The following JAK2 variants were observed in gnomAD, a reference collection of about 807,000 sequenced individuals.
The protein encoded by JAK2 is Janus kinase 2.
A neutral mutation model predicts 139.3 loss-of-function variants in JAK2; 86 were observed. The ratio of observed to expected loss-of-function variants is 0.62; its 90% CI spans 0.52 to 0.74. The LOEUF (loss-of-function observed/expected upper bound fraction) is 0.74, where lower values mean the gene tolerates loss of function less well. Ranked by LOEUF, JAK2 falls within the 30% of genes least tolerant of loss-of-function variation. The probability of loss-of-function intolerance (pLI) is 0.00; values close to 1 mark genes in which losing one functional copy is unlikely to be tolerated. For synonymous variants in JAK2, 490 were observed against 437.7 expected (o/e 1.12, Z -1.49); for missense variants, 1,421 against 1,360.3 (o/e 1.04, Z -0.70).
rs114873051 is a variant in JAK2, at chr9:5,119,789, T to C, written c.3060-3215T>C. The stretch of plus-strand genomic sequence containing the variant: ...TTTCCTCATGATCAAAATTTTCATA[T>C]GTACTTAATGAACACAAAAAATATA... On this transcript the variant is annotated intron_variant, in intron 22 of 24. Transcript: ENST00000381652. Among the ~76,000 whole-genome samples the C allele has an allele frequency of 4.3e-3, 656 of 152,318 alleles. 4 individuals are homozygous for C. Among genetic ancestry groups the C allele is most frequent in the African/African-American group, 0.015 (620 of 41,586 alleles).
intron 20 of JAK2, among the ~76,000 whole-genome samples, chr9:5,090,206 T>TA: frequency 2.0e-5 from 3 of 152,242 alleles, no homozygotes; most frequent in Non-Finnish European, 4.4e-5. Context: ...CAGTTTATTT[T>TA]GGTTTGCCTG....
In JAK2 at chr9:5,128,277, T is replaced by G; in HGVS notation, c.*1486T>G. ...GAAAAGGAAGAAATGTTTTTTACAT[T>G]CATTATTATACTTAAAGCATTTTTA... is the stretch of plus-strand genomic sequence containing the variant. On this transcript the variant is annotated 3_prime_UTR_variant, in exon 25 of 25. Coordinates refer to ENST00000381652, the MANE Select transcript of JAK2 (RefSeq NM_004972.4). 4.4e-6 allele frequency: 1 copy of G among 228,564 alleles called. No individual in the cohort carries two copies. The highest frequency in any genetic ancestry group is 6.2e-5 in the East Asian group (1 of 16,176). The allele number at this position is 228,564 out of a possible 1,614,324, so 14.2% of individuals were successfully genotyped here.
chr9:5,029,048 C>G (rs1822970375), intron 3 of JAK2, among the ~76,000 whole-genome samples: 1 of 152,174 alleles, frequency 6.6e-6, no homozygotes, highest in Non-Finnish European at 1.5e-5. Flanking sequence ...CTTTTAGCCT[C>G]TCTTGGCTTT....
chr9:5,125,402 A>G (rs1343068081), intron 23 of JAK2, among the ~76,000 whole-genome samples: 1 of 151,460 alleles, frequency 6.6e-6, no homozygotes, highest in African/African-American at 2.4e-5. Flanking sequence ...GCATTCCATC[A>G]TAAGGCTATA....
In JAK2 at chr9:5,021,985, T is replaced by C; in HGVS notation, c.-3T>C. Reference sequence around the variant, plus strand: ...CAGGCAAATGTTCTGAAAAAGACTCTGCATGGGAATGGCCTGCCTTACGAT... The same window carrying C: ...CAGGCAAATGTTCTGAAAAAGACTCCGCATGGGAATGGCCTGCCTTACGAT... On this transcript the variant is annotated 5_prime_UTR_variant, in exon 3 of 25. Transcript: ENST00000381652. 3.7e-6 allele frequency: 6 copies of C among 1,608,102 alleles called. No homozygotes were observed. The highest frequency in any genetic ancestry group is 4.3e-6 in the Non-Finnish European group (5 of 1,174,624).
chr9:5,047,351 T>C (rs1277028882), intron 5 of JAK2, among the ~76,000 whole-genome samples: 1 of 152,176 alleles, frequency 6.6e-6, no homozygotes, highest in Non-Finnish European at 1.5e-5. Flanking sequence ...GGAAGACAGA[T>C]TTGGAAAAGG....
intron 22 of JAK2, among the ~76,000 whole-genome samples, chr9:5,107,245 G>C (rs975656351): frequency 2.6e-5 from 4 of 151,994 alleles, no homozygotes; most frequent in Admixed American, 6.6e-5. Context: ...ACTAGCCTTA[G>C]TAACCGACAC....
intron 4 of JAK2, chr9:5,041,060 C>A: frequency 1.5e-6 from 1 of 687,178 alleles, no homozygotes; most frequent in Non-Finnish European, 2.6e-6. Flanking sequence ...CCATAGAGGG[C>A]GTCCCTCAGG....
At chr9:5,014,008 A>G (rs1380423913) in intron 2 of JAK2, among the ~76,000 whole-genome samples, 6 of 152,120 alleles carry the variant, frequency 3.9e-5, no homozygotes, top group Non-Finnish European at 7.3e-5. Context: ...TTCTTCATGT[A>G]TATTTATTGA....
intron 5 of JAK2, among the ~76,000 whole-genome samples, chr9:5,046,890 T>A (rs915105325): frequency 1.3e-5 from 2 of 152,182 alleles, no homozygotes; most frequent in Non-Finnish European, 2.9e-5. Flanking sequence ...GTAGGCTAGT[T>A]AAGTCCCATT....
At chr9:5,117,506 A>G (rs772181313) in intron 22 of JAK2, among the ~76,000 whole-genome samples, 6 of 152,202 alleles carry the variant, frequency 3.9e-5, no homozygotes, top group Non-Finnish European at 8.8e-5. Context: ...TTTCATAAGT[A>G]TAGTTTTCCA....
intron 2 of JAK2, among the ~76,000 whole-genome samples, chr9:5,013,586 T>TAAA (rs1821847289): frequency 6.6e-6 from 1 of 152,234 alleles, no homozygotes. Context: ...ACATGCTGTG[T>TAAA]ACATTCCTCT....
intron 22 of JAK2, among the ~76,000 whole-genome samples, chr9:5,115,278 G>A (rs992943917): frequency 2.6e-5 from 4 of 152,116 alleles, no homozygotes; most frequent in Non-Finnish European, 4.4e-5. Flanking sequence ...CTCAAAAGAA[G>A]ACATTTATGT....
chr9:5,116,150 C>T (rs758635233), intron 22 of JAK2, among the ~76,000 whole-genome samples: 2 of 151,904 alleles, frequency 1.3e-5, no homozygotes, highest in Non-Finnish European at 2.9e-5. Flanking sequence ...TCATAACAAC[C>T]CTTGGAGAAC....
chr9:5,098,425 A>G (rs1408393969), intron 22 of JAK2: 2 of 152,202 alleles, frequency 1.3e-5, no homozygotes, highest in Non-Finnish European at 2.9e-5. Context: ...CCACGTTCTT[A>G]TAATTATTTT....
At chr9:5,096,310 A>G (rs377563568) in intron 22 of JAK2, among the ~76,000 whole-genome samples, 134 of 152,316 alleles carry the variant, frequency 8.8e-4, no homozygotes, top group African/African-American at 3.1e-3. Context: ...CCCTTAGTAA[A>G]TGAATTATAC....
chr9:5,037,969 T>C (rs1181784958), intron 4 of JAK2, among the ~76,000 whole-genome samples: 1 of 152,228 alleles, frequency 6.6e-6, no homozygotes, highest in African/African-American at 2.4e-5. Context: ...TAACAATTAC[T>C]TAATGTACAT....
rs1823741895 is a variant in JAK2, at chr9:5,123,141, A to G, written c.3177+20A>G. ...CCAGCGGTCAGTGTGCTTTTTATTTACTTTCAGTTTTTTGTTTGTTCGTTT... is the reference window on the plus strand; with the variant it reads ...CCAGCGGTCAGTGTGCTTTTTATTTGCTTTCAGTTTTTTGTTTGTTCGTTT... On this transcript the variant is annotated intron_variant, in intron 23 of 24. Coordinates refer to ENST00000381652, the MANE Select transcript of JAK2 (RefSeq NM_004972.4). 1 of 1,488,930 alleles carries G rather than the reference A, an allele frequency of 6.7e-7. No homozygotes were observed. The highest frequency in any genetic ancestry group is 9.2e-7 in the Non-Finnish European group (1 of 1,086,684). The allele number at this position is 1,488,930 out of a possible 1,614,324, so 92.2% of individuals were successfully genotyped here.
intron 4 of JAK2, among the ~76,000 whole-genome samples, chr9:5,033,595 TAAAG>T (rs1823333759): frequency 6.6e-6 from 1 of 152,144 alleles, no homozygotes; most frequent in East Asian, 1.9e-4. Flanking sequence ...TCAACATTCT[TAAAG>T]AAAAGAATTT....
Sources: gnomAD v4.1 joint callset for allele counts (sites outside exome capture counted in the v4.1 genomes callset) on GRCh38, gnomAD v4.1.1 for gene constraint, MANE v1.5 for transcripts, NCBI Gene and HGNC (gene_info 2026-07-23, HGNC 2026-07-21) for gene names.